HTR1F: variants seen among roughly 807,000 people sequenced by gnomAD.
The protein encoded by HTR1F is 5-hydroxytryptamine (serotonin) receptor 1F, G protein-coupled.
A neutral mutation model predicts 24.0 loss-of-function variants in HTR1F; 17 were observed. The observed-to-expected ratio is 0.71, with a 90% confidence interval of 0.48 to 1.06. HTR1F has a LOEUF of 1.06. Ranked by LOEUF, HTR1F falls within the 50% of genes least tolerant of loss-of-function variation. HTR1F has a pLI of 0.00. For missense variants in HTR1F, 391 were observed against 427.8 expected, an observed-to-expected ratio of 0.91 and a Z score of 0.76; for synonymous variants, 186 against 156.8, an observed-to-expected ratio of 1.19 and a Z score of -1.39.
At chr3:87,948,284 A>G (rs1424973547) in intron 2 of HTR1F, among the ~76,000 whole-genome samples, 4 of 152,176 alleles carry the variant, frequency 2.6e-5, no homozygotes, top group African/African-American at 9.7e-5. Context: ...TTGAAAGACC[A>G]AAAGGTAGCT....
chr3:87,852,519 C>T (rs1283049967), intron 2 of HTR1F, among the ~76,000 whole-genome samples: 1 of 151,672 alleles, frequency 6.6e-6, no homozygotes, highest in East Asian at 1.9e-4. Flanking sequence ...TTTCTCCTAC[C>T]AAATTCTTAT....
intron 2 of HTR1F, among the ~76,000 whole-genome samples, chr3:87,847,678 C>G (rs1340240626): frequency 6.6e-6 from 1 of 151,816 alleles, no homozygotes; most frequent in Non-Finnish European, 1.5e-5. Flanking sequence ...ACCAACCTCT[C>G]TTTATTCTCC....
At chr3:87,932,316 T>G (rs947025262) in intron 2 of HTR1F, among the ~76,000 whole-genome samples, 3 of 152,092 alleles carry the variant, frequency 2.0e-5, no homozygotes, top group Non-Finnish European at 2.9e-5. Context: ...TTTCCCTATT[T>G]CTTGTTTTTC....
intron 2 of HTR1F, among the ~76,000 whole-genome samples, chr3:87,879,548 T>C (rs962742123): frequency 6.6e-6 from 1 of 152,202 alleles, no homozygotes; most frequent in African/African-American, 2.4e-5. Context: ...CCTTGAATGA[T>C]ATTTTTAATT....
intron 2 of HTR1F, among the ~76,000 whole-genome samples, chr3:87,938,897 G>A (rs1704492803): frequency 6.6e-6 from 1 of 152,098 alleles, no homozygotes; most frequent in Admixed American, 6.5e-5. Flanking sequence ...TCACTACAAA[G>A]ACACCAAAAG....
chr3:87,824,138 T>C (rs1704416107), intron 2 of HTR1F, among the ~76,000 whole-genome samples: 1 of 152,122 alleles, frequency 6.6e-6, no homozygotes, highest in Non-Finnish European at 1.5e-5. Context: ...ATCAAAGAGC[T>C]ATAAATCTCT....
rs1304511547 is a variant in HTR1F at position 87,992,017 on chromosome 3, T to C, written c.*167T>C. ...ATAGCAATGTGAATATAAAAGTTAT[T>C]GATCACCACTATTCTAGGGTATTCA... On this transcript the variant is annotated 3_prime_UTR_variant, in exon 3 of 3. Coordinates refer to ENST00000319595, the MANE Select transcript of HTR1F (RefSeq NM_001322209.2). The C allele has an allele frequency of 1.1e-4, 60 of 530,106 alleles. No individual in the cohort carries two copies. In the South Asian group the frequency reaches 1.6e-3, roughly 14 times the overall value. The allele number at this position is 530,106 out of a possible 1,614,324, so 32.8% of individuals were successfully genotyped here. A position where few individuals can be genotyped will look rare whatever the true frequency, so the allele number is the denominator to read the frequency against.
chr3:87,878,457 G>T (rs927778295), intron 2 of HTR1F, among the ~76,000 whole-genome samples: 1 of 152,156 alleles, frequency 6.6e-6, no homozygotes, highest in East Asian at 1.9e-4. Flanking sequence ...GAATAAAAGA[G>T]AATTTCTGCC....
chr3:87,969,434 G>C (rs924295413), intron 2 of HTR1F, among the ~76,000 whole-genome samples: 1 of 152,198 alleles, frequency 6.6e-6, no homozygotes, highest in Non-Finnish European at 1.5e-5. Context: ...GTGAGACAGG[G>C]AGTCAAAGGA....
At chr3:87,988,989 A>G (rs567478761) in intron 2 of HTR1F, among the ~76,000 whole-genome samples, 16 of 152,284 alleles carry the variant, frequency 1.1e-4, no homozygotes, top group Non-Finnish European at 2.1e-4. Flanking sequence ...ATCAGTTCCA[A>G]CAAATAAAAC....
At chr3:87,806,995 T>C (rs1704084504) in intron 1 of HTR1F, among the ~76,000 whole-genome samples, 2 of 152,092 alleles carry the variant, frequency 1.3e-5, no homozygotes, top group Admixed American at 1.3e-4. Context: ...TCTGTGTCTG[T>C]TTTTGTACCA....
At chr3:87,975,764 T>C (rs1329559580) in intron 2 of HTR1F, among the ~76,000 whole-genome samples, 1 of 152,240 alleles carries the variant, frequency 6.6e-6, no homozygotes. Flanking sequence ...AGGTAAGTTT[T>C]TCCTCATATT....
rs111939312 is a variant in HTR1F at position 87,875,796 on chromosome 3, T to C, written c.-43+53672T>C. 4.5e-3 allele frequency among the ~76,000 whole-genome samples: 679 copies of C among 151,446 alleles called. 1 individual carries two copies. The highest frequency in any genetic ancestry group is 0.016 in the African/African-American group (656 of 41,286). Reference sequence around the variant, plus strand: ...AAAATTAGCTGGGCATGGTGGTGGGTGCCTGTAGTCCCAGCTACTCGGGAG... The same window carrying C: ...AAAATTAGCTGGGCATGGTGGTGGGCGCCTGTAGTCCCAGCTACTCGGGAG... On this transcript the variant is annotated intron_variant, in intron 2 of 2. Transcript: ENST00000319595.
intron 2 of HTR1F, among the ~76,000 whole-genome samples, chr3:87,863,808 T>A (rs1419102967): frequency 6.6e-6 from 1 of 152,182 alleles, no homozygotes; most frequent in Non-Finnish European, 1.5e-5. Flanking sequence ...ACAAATTACT[T>A]CAAATTAAGT....
chr3:87,940,637 C>T (rs565277033), intron 2 of HTR1F, among the ~76,000 whole-genome samples: 2 of 152,276 alleles, frequency 1.3e-5, no homozygotes, highest in East Asian at 1.9e-4. Flanking sequence ...CTTTAAATTT[C>T]TTATGGAACC....
chr3:87,921,711 C>T (rs1285647973), intron 2 of HTR1F, among the ~76,000 whole-genome samples: 2 of 151,804 alleles, frequency 1.3e-5, no homozygotes, highest in African/African-American at 4.8e-5. Flanking sequence ...ACCAACATCT[C>T]CTTATCCACT....
intron 2 of HTR1F, among the ~76,000 whole-genome samples, chr3:87,957,488 T>C (rs1370800680): frequency 6.6e-6 from 1 of 151,280 alleles, no homozygotes; most frequent in Non-Finnish European, 1.5e-5. Flanking sequence ...TGAAAATGTT[T>C]CTTTCTCTTC....
chr3:87,973,785 G>T (rs944972610), intron 2 of HTR1F, among the ~76,000 whole-genome samples: 8 of 152,164 alleles, frequency 5.3e-5, no homozygotes, highest in Admixed American at 1.3e-4. Flanking sequence ...AACAATCATT[G>T]CCAGGGAGTT....
chr3:87,972,026 A>G (rs1705295801), intron 2 of HTR1F, among the ~76,000 whole-genome samples: 8 of 152,196 alleles, frequency 5.3e-5, no homozygotes, highest in Admixed American at 5.2e-4. Context: ...GTTATTGTGC[A>G]TGCTTTTCCT....
Sources: gnomAD v4.1 joint callset for allele counts (sites outside exome capture counted in the v4.1 genomes callset) on GRCh38, gnomAD v4.1.1 for gene constraint, MANE v1.5 for transcripts, NCBI Gene and HGNC (gene_info 2026-07-23, HGNC 2026-07-21) for gene names.